CNKSR3: variants seen among roughly 807,000 people sequenced by gnomAD.
The protein encoded by CNKSR3 is connector enhancer of kinase suppressor of ras 3.
Under a neutral mutation model 67.7 loss-of-function variants are expected in CNKSR3, and 36 were observed. That is an observed-to-expected ratio of 0.53 (90% CI 0.41 to 0.70). The LOEUF (loss-of-function observed/expected upper bound fraction) is 0.70. Among genes scored for constraint, CNKSR3 ranks in the 30% least tolerant of loss-of-function variants. CNKSR3 has a pLI of 0.00. For synonymous variants in CNKSR3, 281 were observed against 271.4 expected (o/e 1.04, Z -0.35); for missense variants, 630 against 695.2 (o/e 0.91, Z 1.05).
intron 7 of CNKSR3, among the ~76,000 whole-genome samples, 193 bp from the exon 8 acceptor site, chr6:154,423,176 C>G (rs1381443158): frequency 6.6e-6 from 1 of 152,212 alleles, no homozygotes; most frequent in Non-Finnish European, 1.5e-5. Flanking sequence ...TGTTATCTAT[C>G]TTATTAGTGT....
intron 1 of CNKSR3, among the ~76,000 whole-genome samples, chr6:154,501,808 C>G (rs1787000572): frequency 6.6e-6 from 1 of 152,134 alleles, no homozygotes; most frequent in Admixed American, 6.5e-5. Context: ...CACACTAAAG[C>G]CGGGACTATG....
At position 154,441,370 on chromosome 6, in the gene CNKSR3, A is replaced by C. The variant is rs763414726; in HGVS notation, c.429T>G (p.Phe143Leu). The change falls in exon 4 of 13, where the codon TTT (phenylalanine) becomes TTG (leucine). Residue 143 changes from phenylalanine to leucine, a missense_variant. Physicochemically the swap from Phe to Leu is conservative, Grantham distance 22 (BLOSUM62 0). This residue lies in a region of CNKSR3 where 189 missense variants were observed against 205.0 expected (regional missense o/e 0.92). Coordinates refer to ENST00000607772, the MANE Select transcript of CNKSR3 (RefSeq NM_173515.4). The stretch of plus-strand genomic sequence containing the variant: ...TGACTGAGAAATCAGTGATCCCTGT[A>C]AACGGAGCCCTAGAAGGTAGCAACA... ...ALLAWLDRAP[F>L]TGITDFSVTK... 1 of 1,613,776 alleles carries C rather than the reference A, an allele frequency of 6.2e-7. No individual in the cohort carries two copies. The highest frequency in any genetic ancestry group is 1.1e-5 in the South Asian group (1 of 91,084).
chr6:154,391,148 C>G lies in CNKSR3; in HGVS notation c.*15206G>C, dbSNP rs910509399. 43 of 152,230 alleles carry G rather than the reference C, an allele frequency of 2.8e-4. No homozygotes were observed. Among genetic ancestry groups the G allele is most frequent in the African/African-American group, 1.0e-3 (42 of 41,448 alleles). 9.4% of individuals were successfully genotyped at this position (152,230 alleles called of 1,614,324 possible). A position where few individuals can be genotyped will look rare whatever the true frequency, so the allele number is the denominator to read the frequency against. On this transcript the variant is annotated 3_prime_UTR_variant, in exon 13 of 13. Transcript: ENST00000607772. ...TAGCTGGTTTTCTTCTCCCCGACTT[C>G]ACATGGTCTTTCCTCCATGTGCATA... is the stretch of plus-strand genomic sequence containing the variant.
chr6:154,497,305 C>T (rs972324198), intron 1 of CNKSR3, among the ~76,000 whole-genome samples: 3 of 152,084 alleles, frequency 2.0e-5, no homozygotes, highest in Non-Finnish European at 4.4e-5. Context: ...GCAGGAGGAT[C>T]TCTTGAGCCC....
At chr6:154,504,041 C>T (rs1787048072) in intron 1 of CNKSR3, among the ~76,000 whole-genome samples, 1 of 152,222 alleles carries the variant, frequency 6.6e-6, no homozygotes, top group Non-Finnish European at 1.5e-5. Context: ...TTCTGCATCT[C>T]TAACAAGCTC....
intron 1 of CNKSR3, among the ~76,000 whole-genome samples, chr6:154,489,648 G>A (rs942083577): frequency 6.6e-6 from 1 of 152,062 alleles, no homozygotes; most frequent in African/African-American, 2.4e-5. Flanking sequence ...GTGTTCTGTT[G>A]GAAATACTGG....
chr6:154,435,406 C>A (rs1358843286), intron 4 of CNKSR3, among the ~76,000 whole-genome samples: 1 of 152,194 alleles, frequency 6.6e-6, no homozygotes, highest in East Asian at 1.9e-4. Context: ...CTTGTGACTG[C>A]AAGGTTCCTA....
rs544429866 is a variant in CNKSR3 at position 154,439,684 on chromosome 6, G to T, written c.507+1608C>A. 3.3e-5 allele frequency among the ~76,000 whole-genome samples: 5 copies of T among 152,262 alleles called. No homozygotes were observed. In the South Asian group the frequency reaches 1.0e-3, roughly 32 times the overall value. ...AGGCAGGGGAATTACTCGAGGCCAGGAGTTTGAGACCAGCCTGGGTAACAT... is the reference window on the plus strand; with the variant it reads ...AGGCAGGGGAATTACTCGAGGCCAGTAGTTTGAGACCAGCCTGGGTAACAT... On this transcript the variant is annotated intron_variant, in intron 4 of 12. Coordinates refer to ENST00000607772, the MANE Select transcript of CNKSR3 (RefSeq NM_173515.4).
intron 9 of CNKSR3, among the ~76,000 whole-genome samples, chr6:154,421,606 C>A (rs963549029): frequency 3.9e-5 from 6 of 151,996 alleles, no homozygotes; most frequent in African/African-American, 1.5e-4. Flanking sequence ...GAGGGTATAT[C>A]GTTTGAAAGG....
At chr6:154,509,928 G>A (rs1787180559) in intron 1 of CNKSR3, 135 bp downstream of exon 1, 2 of 937,230 alleles carry the variant, frequency 2.1e-6, no homozygotes, top group Admixed American at 1.8e-5. Context: ...CCACTCGGCA[G>A]AAGTTTGCAT....
intron 2 of CNKSR3, among the ~76,000 whole-genome samples, chr6:154,446,622 AT>A (rs1785712221): frequency 6.6e-6 from 1 of 152,164 alleles, no homozygotes; most frequent in South Asian, 2.1e-4. Flanking sequence ...CCATAGATTC[AT>A]GACAGGTACT....
At chr6:154,448,938 G>A (rs1222067348) in intron 2 of CNKSR3, among the ~76,000 whole-genome samples, 7 of 152,218 alleles carry the variant, frequency 4.6e-5, no homozygotes, top group African/African-American at 1.4e-4. Context: ...CAGCCTGAAT[G>A]CTGTCGAGTT....
chr6:154,448,434 C>CAAAAAAAAAAA (rs56872694), intron 2 of CNKSR3, among the ~76,000 whole-genome samples: 1 of 121,768 alleles, frequency 8.2e-6, no homozygotes, highest in East Asian at 2.5e-4. Context: ...CACGTTTGTA[C>CAAAAAAAAAAA]AAAAAAAAAA....
intron 1 of CNKSR3, among the ~76,000 whole-genome samples, chr6:154,460,530 C>T (rs1786057280): frequency 1.3e-5 from 2 of 152,142 alleles, no homozygotes. Flanking sequence ...ATGTACTTTC[C>T]AAGGTTGTTT....
intron 1 of CNKSR3, among the ~76,000 whole-genome samples, chr6:154,463,428 A>G (rs1193135293): frequency 2.8e-5 from 4 of 144,844 alleles, no homozygotes; most frequent in Non-Finnish European, 6.0e-5. Context: ...CCACTGGCAC[A>G]TGGGCTGGGG....
intron 1 of CNKSR3, among the ~76,000 whole-genome samples, chr6:154,475,632 G>T (rs1786429973): frequency 6.6e-6 from 1 of 152,152 alleles, no homozygotes; most frequent in Admixed American, 6.5e-5. Context: ...CCTGAAAGCT[G>T]CACTCTCAGT....
chr6:154,441,236 GA>G, intron 4 of CNKSR3, 55 bp downstream of exon 4: 1 of 1,082,888 alleles, frequency 9.2e-7, no homozygotes, highest in Non-Finnish European at 1.2e-6. Context: ...TCAAGAAGAG[GA>G]AAAGCAAAAA....
At chr6:154,452,165 C>T (rs968482071) in intron 1 of CNKSR3, among the ~76,000 whole-genome samples, 5 of 152,136 alleles carry the variant, frequency 3.3e-5, no homozygotes, top group African/African-American at 4.8e-5. Context: ...TTAAGGCTCA[C>T]GGAGGATACA....
intron 1 of CNKSR3, among the ~76,000 whole-genome samples, chr6:154,491,746 T>C (rs562134854): frequency 6.6e-6 from 1 of 152,318 alleles, no homozygotes; most frequent in East Asian, 1.9e-4. Flanking sequence ...TACATAGTCA[T>C]TCACTAAATG....
Sources: allele counts gnomAD v4.1 joint callset (sites outside exome capture counted in the v4.1 genomes callset), GRCh38; gene constraint gnomAD v4.1.1; regional missense constraint gnomAD v4.1.1; transcripts MANE v1.5; gene names NCBI Gene and HGNC (gene_info 2026-07-23, HGNC 2026-07-21).